The following FCRL5 variants were observed in gnomAD, a reference collection of about 807,000 sequenced individuals.
FCRL5 encodes the protein Fc receptor like 5, also known as Fc receptor-like protein 5.
In FCRL5, 79 loss-of-function variants were observed where a neutral mutation model predicts 92.1. The ratio of observed to expected loss-of-function variants is 0.86; its 90% CI spans 0.72 to 1.03. FCRL5 has a LOEUF of 1.03. FCRL5 is among the 50% of genes least tolerant of loss of function. The pLI is 0.00. For missense variants in FCRL5, 1,160 were observed against 1,181.1 expected, an observed-to-expected ratio of 0.98 and a Z score of 0.26; for synonymous variants, 466 against 469.3, an observed-to-expected ratio of 0.99 and a Z score of 0.09.
At position 157,524,547 on chromosome 1, in the gene FCRL5, A is replaced by G. The variant is rs767318685; in HGVS notation, c.1971T>C (p.Ser657=). ...GAGCCCTGAAGGTGAGGATGGGACG[A>G]GATACTGGAACTGAGGGAGGAAAAA... ...TISLSVIVPV[S]RPILTFRAPR... is the part of the protein sequence containing the mutation. Residue 657 remains serine (S), a synonymous_variant, in exon 10 of 17, where the codon TCT becomes TCC. Coordinates refer to ENST00000361835, the MANE Select transcript of FCRL5 (RefSeq NM_031281.3). 1 of 1,596,678 alleles carries G rather than the reference A, an allele frequency of 6.3e-7. No individual in the cohort carries two copies. The highest frequency in any genetic ancestry group is 1.7e-5 in the Admixed American group (1 of 58,178).
chr1:157,539,968 T>C (rs1021111377), intron 6 of FCRL5, among the ~76,000 whole-genome samples: 1 of 152,208 alleles, frequency 6.6e-6, no homozygotes, highest in African/African-American at 2.4e-5. Context: ...ACCCTCAAAA[T>C]CATCTTTGGA....
At position 157,539,207 on chromosome 1, in the gene FCRL5, G is replaced by T. The variant is rs16838748; in HGVS notation, c.1281C>A (p.Asn427Lys). The T allele has an allele frequency of 2.9e-3, 4,677 of 1,614,192 alleles. 114 individuals carry two copies. The African/African-American group carries it at 0.055, about 19-fold the overall frequency. Reference protein sequence around the residue: ...EGAALERRSANSAGGVAISFS... With the variant: ...EGAALERRSAKSAGGVAISFS... The stretch of plus-strand genomic sequence containing the variant: ...AGCTGATGGCCACTCCTCCTGCAGA[G>T]TTGGCCGACCTACGCTCCAGGGCAG... The change falls in exon 7 of 17, where the codon AAC becomes AAA. Residue 427 changes from asparagine (N) to lysine (K), a missense_variant. Physicochemically the swap from Asn to Lys is moderately conservative, Grantham distance 94. Transcript: ENST00000361835.
At position 157,539,262 on chromosome 1, in the gene FCRL5, G is replaced by C; in HGVS notation, c.1226C>G (p.Pro409Arg). Residue 409 changes from proline (P) to arginine (R), a missense_variant, in exon 7 of 17, where the codon CCC becomes CGC. Coordinates refer to ENST00000361835, the MANE Select transcript of FCRL5 (RefSeq NM_031281.3). ...CTCATGATGAAACTGGTACAGGATG[G>C]GGAGTGAACCTCTCTGGGCTTCACA... ...LHCEAQRGSL[P>R]ILYQFHHEGA... 6.2e-7 allele frequency: 1 copy of C among 1,614,140 alleles called. No individual in the cohort carries two copies. Among genetic ancestry groups the C allele is most frequent in the Non-Finnish European group, 8.5e-7 (1 of 1,180,014 alleles).
Position 157,546,509 on chromosome 1 carries a change from A to G in FCRL5, c.307+434T>C, listed in dbSNP as rs1003346821. Among the ~76,000 whole-genome samples the G allele has an allele frequency of 6.8e-5, 6 of 88,172 alleles. No homozygotes were observed. In the East Asian group the frequency reaches 3.3e-3, roughly 48 times the overall value. 57.8% of individuals were successfully genotyped at this position (88,172 alleles called of 152,430 possible). ...CCAAACCAAACCAAACCAAAAAGCT[A>G]TACATAGATTCAGGAACCACTCAAA... On this transcript the variant is annotated intron_variant, in intron 3 of 16. Transcript: ENST00000361835.
Position 157,515,510 on chromosome 1 carries a change from A to G in FCRL5, c.*165T>C, listed in dbSNP as rs1042704215. 6.8e-7 allele frequency: 1 copy of G among 1,473,774 alleles called. No individual in the cohort carries two copies. Among genetic ancestry groups the G allele is most frequent in the Non-Finnish European group, 9.3e-7 (1 of 1,075,204 alleles). 91.3% of individuals were successfully genotyped at this position (1,473,774 alleles called of 1,614,324 possible). A position where few individuals can be genotyped will look rare whatever the true frequency, so the allele number is the denominator to read the frequency against. On this transcript the variant is annotated 3_prime_UTR_variant, in exon 17 of 17. Transcript: ENST00000361835. ...TTAACTGGGAAACAGGTGACAGTCC[A>G]GCAGGGCCCTGCATTCTGGTCAGAC...
Position 157,547,015 on chromosome 1 carries a change from C to A in FCRL5, c.235G>T (p.Glu79Ter). 6.2e-7 allele frequency: 1 copy of A among 1,614,164 alleles called. No individual in the cohort carries two copies. The highest frequency in any genetic ancestry group is 8.5e-7 in the Non-Finnish European group (1 of 1,180,032). Reference protein sequence around the residue: ...ETPDNILEVQESGEYRCQAQG... With the variant: ...ETPDNILEVQ ...GCCTGGCATCTGTACTCTCCAGATT[C>A]CTGAACCTCAAGGATATTGTCTGGG... Residue 79 changes from glutamate to a stop codon, truncating the protein, a stop_gained, in exon 3 of 17, where the codon GAA becomes TAA. Transcript: ENST00000361835. LOFTEE classifies it high-confidence loss of function.
rs529905507 is a variant in FCRL5 at position 157,544,192 on chromosome 1, G to A, written c.844+70C>T. 117 of 1,538,490 alleles carry A rather than the reference G, an allele frequency of 7.6e-5. No homozygotes were observed. The Middle Eastern group carries it at 1.2e-3, about 16-fold the overall frequency. ...TTTTCTACAGAGACTGGTGACCCACGCTGATATGCAGCCCTGTCCCACTTT... is the reference window on the plus strand; with the variant it reads ...TTTTCTACAGAGACTGGTGACCCACACTGATATGCAGCCCTGTCCCACTTT... On this transcript the variant is annotated intron_variant, in intron 5 of 16. Transcript: ENST00000361835.
chr1:157,538,721 G>C (rs1391865746), intron 7 of FCRL5, among the ~76,000 whole-genome samples: 1 of 152,192 alleles, frequency 6.6e-6, no homozygotes, highest in Non-Finnish European at 1.5e-5. Flanking sequence ...ACATTTCTGT[G>C]CTCCTGAGAA....
At chr1:157,533,280 A>G (rs1650781294) in intron 8 of FCRL5, 1 of 152,178 alleles carries the variant, frequency 6.6e-6, no homozygotes, top group South Asian at 2.1e-4. Flanking sequence ...TTAATTATCC[A>G]CATAACTGGA....
chr1:157,528,791 A>G (rs1432429793), intron 8 of FCRL5: 1 of 152,230 alleles, frequency 6.6e-6, no homozygotes, highest in African/African-American at 2.4e-5. Flanking sequence ...CTCATCTCTC[A>G]CCTTACACAA....
At chr1:157,518,597 A>G (rs911754903) in intron 14 of FCRL5, 100 bp from the exon 15 acceptor site, 52 of 1,450,070 alleles carry the variant, frequency 3.6e-5, no homozygotes, top group Non-Finnish European at 4.9e-5. Context: ...TGGAAGGACT[A>G]GAGCCCTCTA....
chr1:157,542,974 T>C lies in FCRL5; in HGVS notation c.1008A>G (p.Glu336=), dbSNP rs1329632889. ...VPLRHKSVRC[E]RGASISFSLT... ...GTGAGAAGCTGATGGATGCTCCCCT[T>C]TCACAGCGGACTGACTTGTGCCTCA... The change falls in exon 6 of 17, where the codon GAA becomes GAG. Residue 336 remains glutamate (E), a synonymous_variant. Coordinates refer to ENST00000361835, the MANE Select transcript of FCRL5 (RefSeq NM_031281.3). The C allele has an allele frequency of 6.2e-7, 1 of 1,614,198 alleles. No individual in the cohort carries two copies. Among genetic ancestry groups the C allele is most frequent in the Admixed American group, 1.7e-5 (1 of 60,024 alleles).
chr1:157,544,688 T>A, intron 4 of FCRL5, 142 bp from the exon 5 acceptor site: 3 of 1,415,264 alleles, frequency 2.1e-6, no homozygotes, highest in Non-Finnish European at 2.9e-6. Flanking sequence ...CCCAAAACAC[T>A]ACTATACTTC....
At chr1:157,540,864 G>A (rs183939470) in intron 6 of FCRL5, among the ~76,000 whole-genome samples, 2 of 152,208 alleles carry the variant, frequency 1.3e-5, no homozygotes, top group East Asian at 1.9e-4. Context: ...TGTAAATATC[G>A]ATATATAGAG....
At chr1:157,549,605 T>G in intron 1 of FCRL5, 25 bp from the exon 2 acceptor site, 1 of 1,610,466 alleles carries the variant, frequency 6.2e-7, no homozygotes, top group Non-Finnish European at 8.5e-7. Context: ...GAGCCAGAGA[T>G]GAGCACAGAA....
chr1:157,529,259 T>G (rs1321587215), intron 8 of FCRL5, among the ~76,000 whole-genome samples: 1 of 152,168 alleles, frequency 6.6e-6, no homozygotes, highest in East Asian at 1.9e-4. Flanking sequence ...ACCACCTTAC[T>G]CCTGCAAGAA....
At chr1:157,551,314 C>A (rs7527521) in intron 1 of FCRL5, among the ~76,000 whole-genome samples, 2 of 152,154 alleles carry the variant, frequency 1.3e-5, no homozygotes, top group East Asian at 1.9e-4. Flanking sequence ...TGGGGCCACA[C>A]TGAGATGTAT....
chr1:157,542,905 A>G lies in FCRL5; in HGVS notation c.1077T>C (p.Asn359=). The G allele has an allele frequency of 6.2e-7, 1 of 1,614,042 alleles. No individual in the cohort carries two copies. The highest frequency in any genetic ancestry group is 8.5e-7 in the Non-Finnish European group (1 of 1,180,032). The change falls in exon 6 of 17, where the codon AAT becomes AAC. Residue 359 remains asparagine (N), a synonymous_variant. Coordinates refer to ENST00000361835, the MANE Select transcript of FCRL5 (RefSeq NM_031281.3). ...NSGNYYCTAD[N]GLGAKPSKAV... Reference sequence around the variant, plus strand: ...CCTTACTGGGCTTGGCGCCAAGGCCATTGTCAGCTGTGCAGTAGTAGTTCC... The same window carrying G: ...CCTTACTGGGCTTGGCGCCAAGGCCGTTGTCAGCTGTGCAGTAGTAGTTCC...
intron 7 of FCRL5, among the ~76,000 whole-genome samples, chr1:157,538,518 G>A (rs1189226421): frequency 6.6e-6 from 1 of 152,242 alleles, no homozygotes; most frequent in Non-Finnish European, 1.5e-5. Context: ...AGCAAGTAGA[G>A]GTTAAGCTGT....
Sources: gnomAD v4.1 joint callset for allele counts (sites outside exome capture counted in the v4.1 genomes callset) on GRCh38, gnomAD v4.1.1 for gene constraint, MANE v1.5 for transcripts, NCBI Gene and HGNC (gene_info 2026-07-23, HGNC 2026-07-21) for gene names.